Variants in GRM7 observed in about 807,000 individuals in gnomAD.
GRM7 encodes the protein glutamate metabotropic receptor 7.
Under a neutral mutation model 84.5 loss-of-function variants are expected in GRM7, and 35 were observed. The observed-to-expected ratio is 0.41, with a 90% confidence interval of 0.32 to 0.55. GRM7 has a LOEUF of 0.55. Ranked by LOEUF, GRM7 falls within the 20% of genes least tolerant of loss-of-function variation. GRM7 has a pLI of 0.19. For synonymous variants in GRM7, 487 were observed against 455.1 expected (o/e 1.07, Z -0.89); for missense variants, 1,003 against 1,194.6 (o/e 0.84, Z 2.36).
chr3:7,628,351 T>G (rs938881710), intron 8 of GRM7, among the ~76,000 whole-genome samples: 2 of 152,132 alleles, frequency 1.3e-5, no homozygotes, highest in African/African-American at 4.8e-5. Context: ...AGGTCACGAC[T>G]TCAGAAAGAA....
At chr3:6,953,836 T>TA (rs1257736388) in intron 1 of GRM7, among the ~76,000 whole-genome samples, 1 of 152,086 alleles carries the variant, frequency 6.6e-6, no homozygotes, top group African/African-American at 2.4e-5. Flanking sequence ...TCCAGTGACA[T>TA]AAAAAAATCA....
At chr3:7,452,921 T>A in intron 6 of GRM7, 114 bp downstream of exon 6, 1 of 664,114 alleles carries the variant, frequency 1.5e-6, no homozygotes, top group Non-Finnish European at 2.6e-6. Context: ...CTTGCTTGAT[T>A]ATAAAACTTT....
intron 8 of GRM7, among the ~76,000 whole-genome samples, chr3:7,594,353 A>C (rs1308710483): frequency 2.0e-5 from 3 of 152,176 alleles, no homozygotes; most frequent in Non-Finnish European, 4.4e-5. Flanking sequence ...CTATTCACAT[A>C]GGTTATAAGA....
chr3:7,503,491 G>C (rs1575425319), intron 7 of GRM7, among the ~76,000 whole-genome samples: 2 of 152,060 alleles, frequency 1.3e-5, no homozygotes, highest in African/African-American at 2.4e-5. Flanking sequence ...ATTATTCCAG[G>C]CAGATTGCAT....
chr3:7,567,552 A>G (rs1263845320), intron 7 of GRM7, among the ~76,000 whole-genome samples: 1 of 151,944 alleles, frequency 6.6e-6, no homozygotes, highest in African/African-American at 2.4e-5. Flanking sequence ...GTTTGAGACC[A>G]GCCTGGCCAA....
At chr3:7,075,496 A>AGGTGTGTG (rs1491399036) in intron 1 of GRM7, among the ~76,000 whole-genome samples, 1 of 138,490 alleles carries the variant, frequency 7.2e-6, no homozygotes, top group African/African-American at 2.7e-5. Flanking sequence ...TGCTTCTCAG[A>AGGTGTGTG]TGTGTGTGTG....
chr3:7,483,211 G>C (rs536368322), intron 7 of GRM7, among the ~76,000 whole-genome samples: 1 of 152,262 alleles, frequency 6.6e-6, no homozygotes, highest in South Asian at 2.1e-4. Context: ...GATAATATTT[G>C]AGTGTACAAA....
chr3:7,523,645 A>G (rs1165166318), intron 7 of GRM7, among the ~76,000 whole-genome samples: 2 of 152,142 alleles, frequency 1.3e-5, no homozygotes, highest in African/African-American at 4.8e-5. Context: ...CCTGACAATG[A>G]TATCATCAAG....
chr3:6,905,874 C>A (rs1238782029), intron 1 of GRM7, among the ~76,000 whole-genome samples: 1 of 152,126 alleles, frequency 6.6e-6, no homozygotes, highest in Non-Finnish European at 1.5e-5. Context: ...GTATGATTTT[C>A]TTCCTTGATT....
At chr3:7,340,298 A>C (rs1450480749) in intron 4 of GRM7, among the ~76,000 whole-genome samples, 1 of 152,150 alleles carries the variant, frequency 6.6e-6, no homozygotes, top group African/African-American at 2.4e-5. Flanking sequence ...GCAATTTATA[A>C]AGAAAAGGGG....
At chr3:7,162,806 C>T (rs1694675098) in intron 2 of GRM7, among the ~76,000 whole-genome samples, 1 of 114,200 alleles carries the variant, frequency 8.8e-6, no homozygotes, top group Non-Finnish European at 1.7e-5. Context: ...GTTGCCCAGG[C>T]TGGAGTGCAG....
intron 1 of GRM7, among the ~76,000 whole-genome samples, chr3:6,918,764 G>T (rs767207661): frequency 3.3e-5 from 5 of 152,106 alleles, no homozygotes; most frequent in South Asian, 2.1e-4. Context: ...GATAATAGGA[G>T]AAATGACTCT....
chr3:7,424,977 T>C (rs1208722319), intron 5 of GRM7, among the ~76,000 whole-genome samples: 2 of 152,200 alleles, frequency 1.3e-5, no homozygotes, highest in East Asian at 3.8e-4. Context: ...GTGGTTCAGA[T>C]GGATCAACCC....
At chr3:7,504,805 GC>G (rs1324572639) in intron 7 of GRM7, among the ~76,000 whole-genome samples, 1 of 152,146 alleles carries the variant, frequency 6.6e-6, no homozygotes. Flanking sequence ...TTTAGCCATA[GC>G]ATTCTGTCTC....
intron 8 of GRM7, chr3:7,607,765 ATG>A (rs979404327): frequency 7.5e-5 from 8 of 106,866 alleles, no homozygotes; most frequent in African/African-American, 3.0e-4. Context: ...TTGGGGGTAT[ATG>A]TGAAACTTTT....
At chr3:7,421,259 A>T (rs953842774) in intron 5 of GRM7, among the ~76,000 whole-genome samples, 2 of 152,222 alleles carry the variant, frequency 1.3e-5, no homozygotes, top group South Asian at 2.1e-4. Context: ...ATTGCCAATT[A>T]TTCCACTGGA....
rs1693170934 is a variant in GRM7, at chr3:6,958,698, GA to G, written c.519+96793del. Among the ~76,000 whole-genome samples the G allele has an allele frequency of 2.6e-5, 4 of 152,110 alleles. 1 individual carries two copies. In the South Asian group the frequency reaches 8.3e-4, roughly 32 times the overall value. On this transcript the variant is annotated intron_variant, in intron 1 of 9. Coordinates refer to ENST00000357716, the MANE Select transcript of GRM7 (RefSeq NM_000844.4). ...ACTAAATACAAAAAAACTTTCCTAA[GA>G]ACTAATATGGATGTTACCAATTTCA... is the stretch of plus-strand genomic sequence containing the variant.
At chr3:6,973,081 A>G (rs1255998076) in intron 1 of GRM7, among the ~76,000 whole-genome samples, 1 of 152,226 alleles carries the variant, frequency 6.6e-6, no homozygotes, top group Non-Finnish European at 1.5e-5. Context: ...TAAACAGGGA[A>G]CATAATGTAT....
At chr3:7,351,155 G>T (rs79503913) in intron 4 of GRM7, among the ~76,000 whole-genome samples, 1 of 151,970 alleles carries the variant, frequency 6.6e-6, no homozygotes, top group Non-Finnish European at 1.5e-5. Context: ...AATGCAAACA[G>T]GTTCTTTGTT....
Sources: allele counts gnomAD v4.1 joint callset (sites outside exome capture counted in the v4.1 genomes callset), GRCh38; gene constraint gnomAD v4.1.1; transcripts MANE v1.5; gene names NCBI Gene and HGNC (gene_info 2026-07-23, HGNC 2026-07-21).